The following SLC35F1 variants were observed in gnomAD, a reference collection of about 807,000 sequenced individuals.
The protein encoded by SLC35F1 is solute carrier family 35 member F1, also known as chromosome 6 open reading frame 169.
SLC35F1 carries 14 observed loss-of-function variants against 48.7 expected under a neutral mutation model. The observed-to-expected ratio is 0.29, with a 90% CI of 0.19 to 0.45. The LOEUF (loss-of-function observed/expected upper bound fraction) is 0.45. Among genes scored for constraint, SLC35F1 ranks in the 20% least tolerant of loss-of-function variants. The pLI is 1.00. For synonymous variants in SLC35F1, 190 were observed against 202.2 expected (o/e 0.94, Z 0.51); for missense variants, 404 against 500.0 (o/e 0.81, Z 1.83).
chr6:118,000,205 A>G (rs537437763), intron 1 of SLC35F1, among the ~76,000 whole-genome samples: 2 of 152,292 alleles, frequency 1.3e-5, no homozygotes, highest in East Asian at 3.9e-4. Context: ...CCTCAATAAA[A>G]TACTGGCAAA....
At chr6:118,052,319 A>G (rs1320977539) in intron 1 of SLC35F1, among the ~76,000 whole-genome samples, 1 of 152,206 alleles carries the variant, frequency 6.6e-6, no homozygotes, top group Non-Finnish European at 1.5e-5. Context: ...AAAAAGCAAG[A>G]AGTCCCTAAA....
chr6:118,282,227 C>A (rs912750310), intron 6 of SLC35F1, among the ~76,000 whole-genome samples: 3 of 152,182 alleles, frequency 2.0e-5, no homozygotes, highest in Admixed American at 6.5e-5. Context: ...CATTAACTAT[C>A]TAATGTCCAT....
intron 2 of SLC35F1, among the ~76,000 whole-genome samples, chr6:118,216,089 T>TTG (rs1240719008): frequency 9.3e-5 from 14 of 150,472 alleles, no homozygotes; most frequent in South Asian, 2.1e-4. Context: ...GTTTTTTGTT[T>TTG]TTTTTTTTTT....
In SLC35F1 at chr6:118,314,530, A is replaced by G. The variant is rs1254837192; in HGVS notation, c.*278A>G. ...GAAAATTTTTGAATCAAAAGCAAGT[A>G]TTATTGTTATTATGATTTGTATTAT... On this transcript the variant is annotated 3_prime_UTR_variant, in exon 8 of 8. Transcript: ENST00000360388. 1 of 427,246 alleles carries G rather than the reference A, an allele frequency of 2.3e-6. No individual in the cohort carries two copies. The highest frequency in any genetic ancestry group is 4.3e-6 in the Non-Finnish European group (1 of 234,262). 26.5% of individuals were successfully genotyped at this position (427,246 alleles called of 1,614,324 possible).
chr6:117,970,542 C>T (rs1776624985), intron 1 of SLC35F1, among the ~76,000 whole-genome samples: 1 of 152,140 alleles, frequency 6.6e-6, no homozygotes, highest in Non-Finnish European at 1.5e-5. Flanking sequence ...CTACCTGGTG[C>T]CACCTGAGAG....
chr6:118,185,447 A>G (rs759835367), intron 2 of SLC35F1, among the ~76,000 whole-genome samples: 7 of 152,174 alleles, frequency 4.6e-5, no homozygotes, highest in Non-Finnish European at 1.0e-4. Context: ...ATAGAGAAAA[A>G]TAAGGGAAGG....
At chr6:118,291,105 T>G (rs966458994) in intron 7 of SLC35F1, among the ~76,000 whole-genome samples, 5 of 152,120 alleles carry the variant, frequency 3.3e-5, no homozygotes, top group African/African-American at 1.2e-4. Context: ...AAAATTGACT[T>G]TTAAATAACA....
chr6:118,207,356 A>T (rs1774948423), intron 2 of SLC35F1, among the ~76,000 whole-genome samples: 1 of 152,232 alleles, frequency 6.6e-6, no homozygotes, highest in African/African-American at 2.4e-5. Context: ...TGACCTTAAG[A>T]AATAATTCCT....
intron 2 of SLC35F1, among the ~76,000 whole-genome samples, chr6:118,184,027 A>G (rs114611540): frequency 6.6e-6 from 1 of 152,186 alleles, no homozygotes; most frequent in African/African-American, 2.4e-5. Flanking sequence ...TCAAATTGCT[A>G]GTGAATCGGC....
intron 1 of SLC35F1, among the ~76,000 whole-genome samples, chr6:117,940,286 T>C (rs1440805021): frequency 1.3e-5 from 2 of 152,174 alleles, no homozygotes; most frequent in Non-Finnish European, 2.9e-5. Context: ...CCATAGGTAC[T>C]TTTTGTTGAA....
At chr6:117,932,309 A>G (rs1471598300) in intron 1 of SLC35F1, among the ~76,000 whole-genome samples, 1 of 152,204 alleles carries the variant, frequency 6.6e-6, no homozygotes, top group Non-Finnish European at 1.5e-5. Flanking sequence ...GCAGGAACAG[A>G]CTAAGAAATA....
chr6:118,203,505 CA>C (rs1408343155), intron 2 of SLC35F1, among the ~76,000 whole-genome samples: 1 of 152,212 alleles, frequency 6.6e-6, no homozygotes, highest in Non-Finnish European at 1.5e-5. Flanking sequence ...GAGGGCCCTT[CA>C]AAATCCCACA....
intron 3 of SLC35F1, among the ~76,000 whole-genome samples, chr6:118,241,085 C>T (rs558931758): frequency 6.7e-4 from 102 of 152,180 alleles, no homozygotes; most frequent in African/African-American, 2.4e-3. Context: ...GAAGTGAGAG[C>T]CAAGAGTTAA....
intron 2 of SLC35F1, among the ~76,000 whole-genome samples, chr6:118,169,012 A>G (rs1226508395): frequency 1.3e-5 from 2 of 152,180 alleles, no homozygotes; most frequent in Admixed American, 6.5e-5. Flanking sequence ...CAACTAGCTC[A>G]TCTCATTTTC....
At chr6:117,923,582 T>TAC (rs1429402269) in intron 1 of SLC35F1, among the ~76,000 whole-genome samples, 2 of 89,104 alleles carry the variant, frequency 2.2e-5, no homozygotes, top group African/African-American at 6.7e-5. Flanking sequence ...CATATGTGTG[T>TAC]GTATATATAC....
chr6:118,258,848 A>G (rs1215957272), intron 3 of SLC35F1, among the ~76,000 whole-genome samples: 1 of 151,984 alleles, frequency 6.6e-6, no homozygotes, highest in African/African-American at 2.4e-5. Flanking sequence ...ATTAGCTATT[A>G]ACTTAATTTC....
At position 117,931,599 on chromosome 6, in the gene SLC35F1, T is replaced by TTTTTG. The variant is rs535541985; in HGVS notation, c.173+23720_173+23724dup. 8.9e-4 allele frequency among the ~76,000 whole-genome samples: 135 copies of TTTTTG among 152,308 alleles called. 1 individual carries two copies. In the South Asian group the frequency reaches 9.5e-3, roughly 11 times the overall value. ...CTACATTCAAATCACTCACAGGGTT[T>TTTTTG]TTTTGTTTTGTTTTGTTTTGTTTTT... On this transcript the variant is annotated intron_variant, in intron 1 of 7. Coordinates refer to ENST00000360388, the MANE Select transcript of SLC35F1 (RefSeq NM_001029858.4).
chr6:118,133,578 C>T (rs11759870), intron 1 of SLC35F1, among the ~76,000 whole-genome samples: 46,179 of 152,000 alleles, frequency 0.3, 8,651 homozygotes, highest in Non-Finnish European at 0.43. Context: ...GAGAGAAGAA[C>T]ATTTTCTCAT....
In SLC35F1 at chr6:118,054,293, T is replaced by C. The variant is rs540426731; in HGVS notation, c.174-100152T>C. 2.3e-4 allele frequency among the ~76,000 whole-genome samples: 35 copies of C among 152,316 alleles called. No homozygotes were observed. The South Asian group carries it at 7.0e-3, about 31-fold the overall frequency. On this transcript the variant is annotated intron_variant, in intron 1 of 7. Coordinates refer to ENST00000360388, the MANE Select transcript of SLC35F1 (RefSeq NM_001029858.4). The stretch of plus-strand genomic sequence containing the variant: ...AGGGAGCCCTGGGAACAGAATTTAT[T>C]TGGCTGGGGTGAGAAGGCATAGTAA...
Sources: allele counts gnomAD v4.1 joint callset (sites outside exome capture counted in the v4.1 genomes callset), GRCh38; gene constraint gnomAD v4.1.1; transcripts MANE v1.5; gene names NCBI Gene and HGNC (gene_info 2026-07-23, HGNC 2026-07-21).